Variants in CYP4Z1 observed in about 807,000 individuals in gnomAD.
The protein encoded by CYP4Z1 is cytochrome P450 family 4 subfamily Z member 1.
A neutral mutation model predicts 54.2 loss-of-function variants in CYP4Z1; 41 were observed. The observed-to-expected ratio is 0.76, with a 90% CI of 0.59 to 0.98. The LOEUF is 0.98. CYP4Z1 is among the 50% of genes least tolerant of loss of function. The pLI, the probability that CYP4Z1 is intolerant of heterozygous loss-of-function variation, is 0.00. For missense variants in CYP4Z1, 513 were observed against 599.0 expected, an observed-to-expected ratio of 0.86 and a Z score of 1.50; for synonymous variants, 163 against 206.2, an observed-to-expected ratio of 0.79 and a Z score of 1.79.
chr1:47,100,880 C>T (rs2148537326), intron 8 of CYP4Z1, among the ~76,000 whole-genome samples: 1 of 152,318 alleles, frequency 6.6e-6, no homozygotes, highest in South Asian at 2.1e-4. Context: ...GAACAACCAT[C>T]CAGTCCTGGA....
chr1:47,077,287 T>TAAC (rs892236011), intron 2 of CYP4Z1, among the ~76,000 whole-genome samples: 7 of 152,294 alleles, frequency 4.6e-5, no homozygotes, highest in African/African-American at 1.7e-4. Context: ...TTATATATTA[T>TAAC]AACTGTTATA....
intron 6 of CYP4Z1, among the ~76,000 whole-genome samples, chr1:47,086,327 C>T (rs1417865610): frequency 6.6e-6 from 1 of 152,186 alleles, no homozygotes; most frequent in African/African-American, 2.4e-5. Context: ...AAAAGTGTTC[C>T]TATTTCTCCA....
upstream of CYP4Z1, among the ~76,000 whole-genome samples, chr1:47,062,779 G>T (rs1016074572): frequency 1.3e-5 from 2 of 151,758 alleles, no homozygotes; most frequent in Non-Finnish European, 2.9e-5. Flanking sequence ...AAAGACGAAG[G>T]TCATAATCAC....
intron 4 of CYP4Z1, 109 bp from the exon 5 acceptor site, chr1:47,084,511 G>T: frequency 6.7e-7 from 1 of 1,487,832 alleles, no homozygotes; most frequent in South Asian, 1.3e-5. Flanking sequence ...AATTCATTTT[G>T]TACGCTTTAT....
At chr1:47,058,717 C>A in the CYP4Z1 span, among the ~76,000 whole-genome samples, 16 of 152,198 alleles carry the variant, frequency 1.1e-4, no homozygotes, top group African/African-American at 3.9e-4. Context: ...TTTTGCCCTG[C>A]ACCAGAACCA....
intron 9 of CYP4Z1, among the ~76,000 whole-genome samples, chr1:47,110,364 A>G (rs1262494795): frequency 4.7e-5 from 7 of 147,708 alleles, no homozygotes; most frequent in African/African-American, 1.8e-4. Context: ...GCAAGCAGAA[A>G]CTCCTAAGAA....
the CYP4Z1 span, among the ~76,000 whole-genome samples, chr1:47,056,230 TTGAG>T: frequency 6.6e-6 from 1 of 152,236 alleles, no homozygotes; most frequent in Non-Finnish European, 1.5e-5. Context: ...TTGAGTGGTT[TTGAG>T]TGAGTTTCTT....
In CYP4Z1 at chr1:47,094,526, T is replaced by C. The variant is rs375812743; in HGVS notation, c.773-40T>C. ...CATTTGGCTTTGATTGACTTTCCAG[T>C]AACCTTGATAATAACAAAGATCATA... On this transcript the variant is annotated intron_variant, in intron 6 of 11. Transcript: ENST00000334194. The C allele has an allele frequency of 7.4e-6, 10 of 1,359,980 alleles. No individual in the cohort carries two copies. In the African/African-American group the frequency reaches 1.0e-4, roughly 14 times the overall value. 84.2% of individuals were successfully genotyped at this position (1,359,980 alleles called of 1,614,324 possible). A position where few individuals can be genotyped will look rare whatever the true frequency, so the allele number is the denominator to read the frequency against.
At chr1:47,062,297 C>T (rs559034617), upstream of CYP4Z1, among the ~76,000 whole-genome samples, 1 of 152,336 alleles carries the variant, frequency 6.6e-6, no homozygotes, top group East Asian at 1.9e-4. Context: ...ACTTTTACTC[C>T]AAGAACCACT....
At chr1:47,114,211 A>G (rs1174565938) in intron 9 of CYP4Z1, among the ~76,000 whole-genome samples, 6 of 152,244 alleles carry the variant, frequency 3.9e-5, no homozygotes, top group Non-Finnish European at 8.8e-5. Flanking sequence ...TCCCTTTTTA[A>G]TAAATGGTGC....
intron 2 of CYP4Z1, among the ~76,000 whole-genome samples, chr1:47,078,376 G>T (rs1644540535): frequency 1.3e-5 from 2 of 151,270 alleles, no homozygotes; most frequent in South Asian, 4.2e-4. Context: ...AACTTTATTT[G>T]TTTCTGTTTA....
At chr1:47,056,124 T>TG in the CYP4Z1 span, among the ~76,000 whole-genome samples, 2 of 152,234 alleles carry the variant, frequency 1.3e-5, no homozygotes, top group Non-Finnish European at 2.9e-5. Context: ...GTTGTGTCTT[T>TG]GTTCTCGTTG....
intron 6 of CYP4Z1, among the ~76,000 whole-genome samples, chr1:47,086,871 T>A (rs1644599251): frequency 6.6e-6 from 1 of 152,224 alleles, no homozygotes; most frequent in South Asian, 2.1e-4. Context: ...AATTTTTGTA[T>A]AAGGTGTAAG....
intron 9 of CYP4Z1, among the ~76,000 whole-genome samples, chr1:47,109,828 C>G (rs1411840747): frequency 6.7e-6 from 1 of 149,060 alleles, no homozygotes; most frequent in African/African-American, 2.5e-5. Flanking sequence ...TCTTCACTGA[C>G]ATTGAGTTAG....
At chr1:47,115,349 T>A (rs917555876) in intron 9 of CYP4Z1, 180 bp from the exon 10 acceptor site, 4 of 516,326 alleles carry the variant, frequency 7.7e-6, no homozygotes, top group Non-Finnish European at 1.4e-5. Context: ...TAATGTTAAA[T>A]GACGAGTTAA....
chr1:47,056,403 TG>T, the CYP4Z1 span, among the ~76,000 whole-genome samples: 1 of 152,174 alleles, frequency 6.6e-6, no homozygotes, highest in South Asian at 2.1e-4. Context: ...TCTGTTGATT[TG>T]GGGTGGAGAG....
rs531653571 is a variant in CYP4Z1, at chr1:47,099,096, C to A, written c.879C>A (p.Ser293Arg). 1.2e-6 allele frequency: 2 copies of A among 1,613,804 alleles called. No individual in the cohort carries two copies. Among genetic ancestry groups the A allele is most frequent in the Non-Finnish European group, 1.7e-6 (2 of 1,179,932 alleles). ...DFLDILLSAK[S>R]ENTKDFSEAD... ...AAGATCATCACTGTATTTTTTAGAG[C>A]GAAAACACCAAAGATTTCTCTGAAG... Residue 293 changes from serine to arginine, a missense_variant and splice_region_variant, in exon 8 of 12, where the codon AGC becomes AGA. Ser to Arg is a moderately radical substitution (Grantham distance 110). Transcript: ENST00000334194.
chr1:47,090,691 A>G (rs1644632396), intron 6 of CYP4Z1, among the ~76,000 whole-genome samples: 1 of 152,038 alleles, frequency 6.6e-6, no homozygotes, highest in Non-Finnish European at 1.5e-5. Flanking sequence ...TCAGCTTAAG[A>G]TCCTCTGTTT....
At chr1:47,066,105 A>G (rs541089521), upstream of CYP4Z1, among the ~76,000 whole-genome samples, 33 of 152,306 alleles carry the variant, frequency 2.2e-4, no homozygotes, top group African/African-American at 6.7e-4. Context: ...TCACACATTC[A>G]AAGAAGAAGT....
Sources: gnomAD v4.1 joint callset for allele counts (sites outside exome capture counted in the v4.1 genomes callset) on GRCh38, gnomAD v4.1.1 for gene constraint, MANE v1.5 for transcripts, NCBI Gene and HGNC (gene_info 2026-07-23, HGNC 2026-07-21) for gene names.